VPS13D: variants seen among roughly 807,000 people sequenced by gnomAD.
The protein encoded by VPS13D is vacuolar protein sorting 13 homolog D.
Under a neutral mutation model 461.9 loss-of-function variants are expected in VPS13D, and 187 were observed. That is an observed-to-expected ratio of 0.40 (90% confidence interval 0.36 to 0.46). The LOEUF is 0.46. Among genes scored for constraint, VPS13D ranks in the 20% least tolerant of loss-of-function variants. The pLI is 0.60. For missense variants in VPS13D, 4,711 were observed against 5,364.9 expected, an observed-to-expected ratio of 0.88 and a Z score of 3.81; for synonymous variants, 1,951 against 1,986.3, an observed-to-expected ratio of 0.98 and a Z score of 0.47.
intron 67 of VPS13D, among the ~76,000 whole-genome samples, chr1:12,461,757 A>G (rs1474643774): frequency 6.6e-6 from 1 of 152,236 alleles, no homozygotes; most frequent in Non-Finnish European, 1.5e-5. Context: ...TTGGTTGATT[A>G]AAAAGGGTTC....
Position 12,406,885 on chromosome 1 carries a change from G to A in VPS13D, c.12030+2912G>A, listed in dbSNP as rs574662266. Among the ~76,000 whole-genome samples, 11 of 152,266 alleles carry A rather than the reference G, an allele frequency of 7.2e-5. No individual in the cohort carries two copies. In the East Asian group the frequency reaches 2.1e-3, roughly 29 times the overall value. ...AGCATTGGGGTATTACAAAAGAAGG[G>A]CTTTAATTGAGCAATCTAGTTTGGA... On this transcript the variant is annotated intron_variant, in intron 63 of 69. Coordinates refer to ENST00000620676, the MANE Select transcript of VPS13D (RefSeq NM_015378.4).
chr1:12,478,696 G>T (rs1645669573), intron 67 of VPS13D: 1 of 442,108 alleles, frequency 2.3e-6, no homozygotes, highest in Admixed American at 2.4e-5. Context: ...TCAAGGCACG[G>T]TGATGTTTCT....
intron 63 of VPS13D, among the ~76,000 whole-genome samples, chr1:12,405,065 G>A (rs1227339910): frequency 6.6e-6 from 1 of 152,210 alleles, no homozygotes; most frequent in Non-Finnish European, 1.5e-5. Flanking sequence ...GTAAGTCTAG[G>A]GTCCTAACGT....
chr1:12,501,533 T>C (rs1646035289), intron 68 of VPS13D, among the ~76,000 whole-genome samples: 2 of 152,222 alleles, frequency 1.3e-5, no homozygotes, highest in South Asian at 2.1e-4. Context: ...TCAACTTTCC[T>C]ACTGGTAACA....
chr1:12,322,425 G>T (rs977081194), intron 33 of VPS13D, 111 bp from the exon 34 acceptor site: 93 of 1,015,074 alleles, frequency 9.2e-5, no homozygotes, highest in Non-Finnish European at 1.2e-4. Context: ...GAAATTTGGT[G>T]CAGTATCTGT....
intron 52 of VPS13D, 144 bp from the exon 53 acceptor site, chr1:12,368,324 T>C: frequency 1.1e-6 from 1 of 942,246 alleles, no homozygotes; most frequent in Non-Finnish European, 1.5e-6. Context: ...TTTCAGATGA[T>C]GGAGGAACAC....
At chr1:12,370,600 A>G (rs1036709474) in intron 54 of VPS13D, among the ~76,000 whole-genome samples, 1 of 152,198 alleles carries the variant, frequency 6.6e-6, no homozygotes, top group East Asian at 1.9e-4. Flanking sequence ...GAGAAGGACC[A>G]TTCTTTCTTT....
At position 12,304,532 on chromosome 1, in the gene VPS13D, G is replaced by A. The variant is rs756013448; in HGVS notation, c.6243G>A (p.Thr2081=). 16 of 1,613,692 alleles carry A rather than the reference G, an allele frequency of 9.9e-6. No individual in the cohort carries two copies. The highest frequency in any genetic ancestry group is 5.3e-5 in the African/African-American group (4 of 74,850). The part of the protein sequence containing the change: ...DKESVPSASP[T]GIPKHSLRKT... ...AATCTGTGCCTTCAGCTTCCCCAAC[G>A]GGTATTCCCAAACACAGTCTGAGGA... Residue 2081 remains threonine (T), a synonymous_variant, in exon 26 of 70, where the codon ACG becomes ACA. Coordinates refer to ENST00000620676, the MANE Select transcript of VPS13D (RefSeq NM_015378.4).
rs893479768 is a variant in VPS13D, at chr1:12,259,746, C to T, written c.1111-947C>T. On this transcript the variant is annotated intron_variant, in intron 10 of 69. Transcript: ENST00000620676. ...AGAAGCAGTTCAGGACAGCTAATTC[C>T]GCTTTTAAAAAATGTAGCTGGGTAT... 3.3e-5 allele frequency among the ~76,000 whole-genome samples: 5 copies of T among 152,130 alleles called. 1 individual carries two copies. The highest frequency in any genetic ancestry group is 4.1e-4 in the South Asian group (2 of 4,830).
rs1490263484 is a variant in VPS13D at position 12,495,649 on chromosome 1, A to G, written c.12663-1851A>G. ...TTGAATTTGAGCCTGCAGGCCTCCCAGTTGATTGGGGAAGATATGTTGAGA... is the reference window on the plus strand; with the variant it reads ...TTGAATTTGAGCCTGCAGGCCTCCCGGTTGATTGGGGAAGATATGTTGAGA... On this transcript the variant is annotated intron_variant, in intron 67 of 69. Transcript: ENST00000620676. The surrounding 1 kb of genome is among the most constrained non-coding windows in gnomAD (Gnocchi z 4.0). Among the ~76,000 whole-genome samples the G allele has an allele frequency of 6.6e-6, 1 of 152,224 alleles. No homozygotes were observed. Among genetic ancestry groups the G allele is most frequent in the Non-Finnish European group, 1.5e-5 (1 of 68,046 alleles).
At chr1:12,436,631 TA>T (rs1645064332) in intron 65 of VPS13D, among the ~76,000 whole-genome samples, 1 of 152,236 alleles carries the variant, frequency 6.6e-6, no homozygotes, top group African/African-American at 2.4e-5. Flanking sequence ...AATCTGCATA[TA>T]TACAATGTTA....
At chr1:12,281,882 C>T (rs1569792210) in intron 20 of VPS13D, among the ~76,000 whole-genome samples, 1 of 152,020 alleles carries the variant, frequency 6.6e-6, no homozygotes, top group East Asian at 1.9e-4. Context: ...AAAAAACTTG[C>T]CTGAAAATTT....
At chr1:12,361,864 T>G (rs1015731810) in intron 50 of VPS13D, among the ~76,000 whole-genome samples, 3 of 152,142 alleles carry the variant, frequency 2.0e-5, no homozygotes, top group African/African-American at 7.2e-5. Context: ...ATTCTTTTAT[T>G]TATTTATTTT....
intron 60 of VPS13D, among the ~76,000 whole-genome samples, chr1:12,396,585 T>C (rs572737068): frequency 6.6e-6 from 1 of 152,294 alleles, no homozygotes; most frequent in Admixed American, 6.5e-5. Context: ...CCCCAGACTG[T>C]GGTTCTTTTT....
At chr1:12,389,944 T>G (rs1191007106) in intron 60 of VPS13D, among the ~76,000 whole-genome samples, 1 of 152,224 alleles carries the variant, frequency 6.6e-6, no homozygotes, top group African/African-American at 2.4e-5. Context: ...GTAGACTGAT[T>G]TCATCTTGAT....
At chr1:12,241,552 C>T (rs894123478) in intron 2 of VPS13D, among the ~76,000 whole-genome samples, 1 of 152,174 alleles carries the variant, frequency 6.6e-6, no homozygotes, top group Admixed American at 6.5e-5. Flanking sequence ...CAGAGCAGGG[C>T]TCTATATATG....
intron 8 of VPS13D, 137 bp from the exon 9 acceptor site, chr1:12,256,850 T>C (rs1640940198): frequency 3.8e-6 from 3 of 794,434 alleles, no homozygotes. Flanking sequence ...GATGCTGATA[T>C]TTTGGTCTTT....
chr1:12,320,208 TTTGTG>T (rs1484934829), intron 32 of VPS13D, among the ~76,000 whole-genome samples: 1 of 152,156 alleles, frequency 6.6e-6, no homozygotes, highest in Non-Finnish European at 1.5e-5. Flanking sequence ...AAGAAGATAA[TTTGTG>T]TTGGAGTGGC....
Position 12,349,184 on chromosome 1 carries a change from A to G in VPS13D, c.9241A>G (p.Ile3081Val), listed in dbSNP as rs146487618. 33 of 1,613,754 alleles carry G rather than the reference A, an allele frequency of 2.0e-5. No homozygotes were observed. Among genetic ancestry groups the G allele is most frequent in the African/African-American group, 5.3e-5 (4 of 74,908 alleles). ...APDKPVVLPAIMPGDSFAVPL... is the reference protein window; with the variant it reads ...APDKPVVLPAVMPGDSFAVPL... The stretch of plus-strand genomic sequence containing the variant: ...GGCAGAGCCAGTGGTGCTTCCTGCT[A>G]TCATGCCAGGGGATTCGTTTGCTGT... The change falls in exon 46 of 70, where the codon ATC becomes GTC. Residue 3081 changes from isoleucine to valine, a missense_variant. Ile to Val is a conservative substitution (Grantham distance 29). Coordinates refer to ENST00000620676, the MANE Select transcript of VPS13D (RefSeq NM_015378.4).
Sources: gnomAD v4.1 joint callset for allele counts (sites outside exome capture counted in the v4.1 genomes callset) on GRCh38, gnomAD v4.1.1 for gene constraint, Gnocchi (gnomAD v3.1) non-coding constraint, MANE v1.5 for transcripts, NCBI Gene and HGNC (gene_info 2026-07-23, HGNC 2026-07-21) for gene names.